The following KCTD3 variants were observed in gnomAD, a reference collection of about 807,000 sequenced individuals.
KCTD3 encodes the protein BTB/POZ domain-containing protein KCTD3.
Under a neutral mutation model 85.8 loss-of-function variants are expected in KCTD3, and 41 were observed. The observed-to-expected ratio is 0.48, with a 90% CI of 0.37 to 0.62. The LOEUF is 0.62. KCTD3 is among the 20% of genes least tolerant of loss of function. KCTD3 has a pLI of 0.00. For synonymous variants in KCTD3, 338 were observed against 345.4 expected (o/e 0.98, Z 0.24); for missense variants, 724 against 989.9 (o/e 0.73, Z 3.60).
chr1:215,609,101 A>G (rs1446228170), intron 14 of KCTD3, among the ~76,000 whole-genome samples: 1 of 152,026 alleles, frequency 6.6e-6, no homozygotes, highest in Non-Finnish European at 1.5e-5. Flanking sequence ...CGGAGGAGAT[A>G]GTGCCAGGAT....
intron 14 of KCTD3, 78 bp from the exon 15 acceptor site, chr1:215,611,741 TATATTA>T (rs1179902789): frequency 3.3e-5 from 28 of 842,918 alleles, no homozygotes; most frequent in South Asian, 2.5e-4. Flanking sequence ...ATTCTTTTCT[TATATTA>T]ATATTAATGT....
At chr1:215,605,586 C>T (rs1327870542) in intron 13 of KCTD3, among the ~76,000 whole-genome samples, 1 of 152,110 alleles carries the variant, frequency 6.6e-6, no homozygotes, top group Non-Finnish European at 1.5e-5. Flanking sequence ...GAGTTCCAAA[C>T]CCTGTATATC....
chr1:215,611,000 C>T (rs1655211977), intron 14 of KCTD3, among the ~76,000 whole-genome samples: 1 of 151,654 alleles, frequency 6.6e-6, no homozygotes, highest in South Asian at 2.1e-4. Flanking sequence ...AATCTTTTTA[C>T]AATACTTTTT....
chr1:215,598,221 C>T (rs1654684860), intron 10 of KCTD3, among the ~76,000 whole-genome samples: 1 of 151,974 alleles, frequency 6.6e-6, no homozygotes, highest in African/African-American at 2.4e-5. Context: ...GTTTCTCAGT[C>T]CCTGAGAAGA....
At chr1:215,603,216 C>A (rs1261863696) in intron 12 of KCTD3, among the ~76,000 whole-genome samples, 1 of 151,968 alleles carries the variant, frequency 6.6e-6, no homozygotes, top group African/African-American at 2.4e-5. Context: ...CAAAGCACTT[C>A]TTTTGTAGTG....
At chr1:215,597,649 T>C (rs1366610301) in intron 10 of KCTD3, among the ~76,000 whole-genome samples, 2 of 152,140 alleles carry the variant, frequency 1.3e-5, no homozygotes, top group African/African-American at 2.4e-5. Context: ...GGAGGAAATA[T>C]TGGTTCTGGG....
chr1:215,603,973 G>A (rs567408477), intron 12 of KCTD3, among the ~76,000 whole-genome samples, 159 bp from the exon 13 acceptor site: 2 of 152,228 alleles, frequency 1.3e-5, no homozygotes, highest in South Asian at 4.1e-4. Flanking sequence ...TAAGATGACC[G>A]GAGAAGTCTT....
At chr1:215,569,362 T>C (rs577791396) in intron 1 of KCTD3, among the ~76,000 whole-genome samples, 1 of 151,982 alleles carries the variant, frequency 6.6e-6, no homozygotes, top group East Asian at 1.9e-4. Flanking sequence ...CTCGTGATGC[T>C]CCCGCCTCGG....
chr1:215,584,615 G>A (rs1410613139), intron 8 of KCTD3, among the ~76,000 whole-genome samples: 3 of 152,156 alleles, frequency 2.0e-5, no homozygotes, highest in African/African-American at 7.2e-5. Context: ...CCCCAGACAG[G>A]TCAGAAACCT....
chr1:215,586,808 T>G, intron 9 of KCTD3, 123 bp downstream of exon 9: 1 of 718,222 alleles, frequency 1.4e-6, no homozygotes, highest in Non-Finnish European at 2.2e-6. Flanking sequence ...GTCACAGTAT[T>G]TAATGTGGGA....
At chr1:215,571,912 T>A (rs1659385030) in intron 1 of KCTD3, among the ~76,000 whole-genome samples, 1 of 152,232 alleles carries the variant, frequency 6.6e-6, no homozygotes, top group Non-Finnish European at 1.5e-5. Context: ...ATTACAGGCG[T>A]GAGCCACCGC....
At chr1:215,617,699 G>T (rs964399298) in intron 15 of KCTD3, among the ~76,000 whole-genome samples, 1 of 150,968 alleles carries the variant, frequency 6.6e-6, no homozygotes, top group East Asian at 1.9e-4. Flanking sequence ...CCTGTACCAG[G>T]ACAGGAGAGT....
intron 15 of KCTD3, 182 bp from the exon 16 acceptor site, chr1:215,618,704 A>C: frequency 2.0e-5 from 11 of 557,944 alleles, no homozygotes; most frequent in Non-Finnish European, 1.3e-5. Context: ...CCATCTCCAT[A>C]GAGCTGTATA....
chr1:215,594,900 G>A (rs922271248), intron 9 of KCTD3, among the ~76,000 whole-genome samples: 3 of 151,984 alleles, frequency 2.0e-5, no homozygotes, highest in Non-Finnish European at 4.4e-5. Context: ...GATAGTTAAG[G>A]CTGCCAAGTC....
At chr1:215,604,826 A>G (rs1004716748) in intron 13 of KCTD3, among the ~76,000 whole-genome samples, 1 of 151,852 alleles carries the variant, frequency 6.6e-6, no homozygotes, top group Non-Finnish European at 1.5e-5. Flanking sequence ...GTATTTTGAT[A>G]TTTTGTCATC....
chr1:215,567,814 C>T, intron 1 of KCTD3, 46 bp downstream of exon 1: 5 of 1,179,220 alleles, frequency 4.2e-6, no homozygotes, highest in Non-Finnish European at 4.3e-6. Context: ...CCTTGGCGGC[C>T]TCCTCCTTTG....
Position 215,620,268 on chromosome 1 carries a change from G to A in KCTD3, c.2098G>A (p.Ala700Thr), listed in dbSNP as rs371136563. 9 of 1,613,776 alleles carry A rather than the reference G, an allele frequency of 5.6e-6. No individual in the cohort carries two copies. Among genetic ancestry groups the A allele is most frequent in the Non-Finnish European group, 7.6e-6 (9 of 1,179,802 alleles). ...LGPIQAEVKG[A>T]TGECNISERK... ...TCCAATACAAGCTGAAGTGAAAGGG[G>A]CAACAGGGGAATGTAATATATCTGA... The change falls in exon 18 of 18, where the codon GCA becomes ACA. Residue 700 changes from alanine (A) to threonine (T), a missense_variant. By Grantham distance (58) the Ala-to-Thr change is moderately conservative. Coordinates refer to ENST00000259154, the MANE Select transcript of KCTD3 (RefSeq NM_016121.5).
At chr1:215,577,466 A>G (rs1429334010) in intron 4 of KCTD3, among the ~76,000 whole-genome samples, 2 of 152,114 alleles carry the variant, frequency 1.3e-5, no homozygotes, top group Admixed American at 6.5e-5. Flanking sequence ...TTTTAAGTAG[A>G]TAACAGAATA....
In KCTD3 at chr1:215,620,421, A is replaced by C. The variant is rs1655625569; in HGVS notation, c.2251A>C (p.Ile751Leu). 1.9e-6 allele frequency: 3 copies of C among 1,613,096 alleles called. No homozygotes were observed. The highest frequency in any genetic ancestry group is 1.3e-5 in the African/African-American group (1 of 74,816). ...ATCAGAAGATGAAAATGAAAATAAA[A>C]TAGAGTTTAGGAAGAAAGGAGGATT... ...RSSEDENENK[I>L]EFRKKGGFEG... The change falls in exon 18 of 18, where the codon ATA becomes CTA. Residue 751 changes from isoleucine to leucine, a missense_variant. Ile to Leu is a conservative substitution (Grantham distance 5). Around this residue, in one of 6 missense-constraint regions of KCTD3, gnomAD observed 222 missense variants for 217.7 expected, o/e 1.02. Transcript: ENST00000259154.
Sources: gnomAD v4.1 joint callset for allele counts (sites outside exome capture counted in the v4.1 genomes callset) on GRCh38, gnomAD v4.1.1 for gene constraint, gnomAD v4.1.1 regional missense constraint, MANE v1.5 for transcripts, NCBI Gene and HGNC (gene_info 2026-07-23, HGNC 2026-07-21) for gene names.